The following KDM2B variants were observed in gnomAD, a reference collection of about 807,000 sequenced individuals.
KDM2B encodes the protein lysine-specific demethylase 2B.
A neutral mutation model predicts 150.0 loss-of-function variants in KDM2B; 26 were observed. The ratio of observed to expected loss-of-function variants is 0.17; its 90% CI spans 0.13 to 0.24. The LOEUF is 0.24. Among genes scored for constraint, KDM2B ranks in the 10% least tolerant of loss-of-function variants. The pLI, the probability that KDM2B is intolerant of heterozygous loss-of-function variation, is 1.00. For synonymous variants in KDM2B, 734 were observed against 729.5 expected, an observed-to-expected ratio of 1.01 and a Z score of -0.10; for missense variants, 1,265 against 1,816.9, an observed-to-expected ratio of 0.70 and a Z score of 5.52.
At chr12:121,510,191 C>A in intron 10 of KDM2B, 152 bp from the exon 11 acceptor site, 1 of 683,988 alleles carries the variant, frequency 1.5e-6, no homozygotes, top group Non-Finnish European at 2.4e-6. Context: ...CTGGAAAGGC[C>A]GTGGGGGACG....
chr12:121,574,857 C>T (rs1209950694), intron 3 of KDM2B, among the ~76,000 whole-genome samples: 1 of 152,180 alleles, frequency 6.6e-6, no homozygotes, highest in African/African-American at 2.4e-5. Flanking sequence ...ACTGTCCACC[C>T]CATTTTTCCA....
At chr12:121,574,432 C>T (rs1891348844) in intron 4 of KDM2B, 115 bp downstream of exon 4, 4 of 934,478 alleles carry the variant, frequency 4.3e-6, no homozygotes, top group Non-Finnish European at 5.1e-6. Context: ...CTGCCTTCTC[C>T]CGTGGGGACT....
At chr12:121,416,979 T>TA in the KDM2B span, among the ~76,000 whole-genome samples, 5 of 152,260 alleles carry the variant, frequency 3.3e-5, no homozygotes, top group Non-Finnish European at 7.3e-5. Flanking sequence ...GTGCCCTCTT[T>TA]AAGCTTCTCT....
intron 12 of KDM2B, among the ~76,000 whole-genome samples, chr12:121,479,372 C>T (rs1881806680): frequency 6.7e-6 from 1 of 148,606 alleles, no homozygotes; most frequent in Admixed American, 6.7e-5. Context: ...AAGGCTGAGG[C>T]AGGAGAATGG....
At chr12:121,567,404 T>C (rs1462240814) in intron 4 of KDM2B, among the ~76,000 whole-genome samples, 1 of 152,184 alleles carries the variant, frequency 6.6e-6, no homozygotes, top group Non-Finnish European at 1.5e-5. Flanking sequence ...ATATGACTGG[T>C]GTCCTTATAA....
At chr12:121,579,557 G>T in intron 1 of KDM2B, 1 of 1,288,052 alleles carries the variant, frequency 7.8e-7, no homozygotes, top group Non-Finnish European at 1.0e-6. Flanking sequence ...GGGCTTGGAA[G>T]GGGGAGAGGC....
chr12:121,443,982 C>G (rs781888927), intron 16 of KDM2B, 30 bp downstream of exon 16: 11 of 1,580,510 alleles, frequency 7.0e-6, no homozygotes, highest in Non-Finnish European at 8.6e-6. Context: ...AGACCAACCC[C>G]TTTGCCTCCC....
In KDM2B at chr12:121,430,546, A is replaced by G; in HGVS notation, c.3830-77T>C. The G allele has an allele frequency of 2.1e-6, 2 of 962,772 alleles. No homozygotes were observed. The highest frequency in any genetic ancestry group is 1.7e-5 in the Admixed American group (1 of 58,328). 59.6% of individuals were successfully genotyped at this position (962,772 alleles called of 1,614,324 possible). The stretch of plus-strand genomic sequence containing the variant: ...CCCCCGCCGCCAGACCCAGGCACTC[A>G]GCAGTGGGGACAGGTCAGAGCTCTA... On this transcript the variant is annotated intron_variant, in intron 22 of 22. Coordinates refer to ENST00000377071, the MANE Select transcript of KDM2B (RefSeq NM_032590.5). The surrounding 1 kb of genome is among the most constrained non-coding windows in gnomAD (Gnocchi z 4.4).
At chr12:121,551,901 A>G (rs142253337) in intron 4 of KDM2B, among the ~76,000 whole-genome samples, 5 of 152,274 alleles carry the variant, frequency 3.3e-5, no homozygotes, top group African/African-American at 1.2e-4. Flanking sequence ...CATTCTCCAC[A>G]AAAAGGAAAC....
chr12:121,481,174 A>T (rs1257896354), intron 12 of KDM2B, among the ~76,000 whole-genome samples: 31 of 151,594 alleles, frequency 2.0e-4, no homozygotes, highest in Non-Finnish European at 7.4e-5. Flanking sequence ...CAAATGATCC[A>T]CCCGCCTCAG....
chr12:121,476,429 C>A (rs1555296796), intron 12 of KDM2B, among the ~76,000 whole-genome samples: 1 of 151,912 alleles, frequency 6.6e-6, no homozygotes, highest in African/African-American at 2.4e-5. Context: ...GCACTCCACC[C>A]TGGGTGACCG....
the KDM2B span, among the ~76,000 whole-genome samples, chr12:121,421,371 T>TACAAAAAAAAAAAAAAA: frequency 2.2e-5 from 1 of 46,370 alleles, no homozygotes; most frequent in African/African-American, 6.8e-5. Flanking sequence ...ATCCCATCTC[T>TACAAAAAAAAAAAAAAA]AAAAAAAAAA....
In KDM2B at chr12:121,429,418, G is replaced by T. The variant is rs11065570; in HGVS notation, c.*870C>A. ...ACGTCTTGACTCACTGTATAAATTAGATCTATGTAAGTACAAGAGCTCATG... is the reference window on the plus strand; with the variant it reads ...ACGTCTTGACTCACTGTATAAATTATATCTATGTAAGTACAAGAGCTCATG... On this transcript the variant is annotated 3_prime_UTR_variant, in exon 23 of 23. Transcript: ENST00000377071. The T allele has an allele frequency of 6.5e-6, 1 of 153,340 alleles. No individual in the cohort carries two copies. Among genetic ancestry groups the T allele is most frequent in the Non-Finnish European group, 1.5e-5 (1 of 68,528 alleles). 9.5% of individuals were successfully genotyped at this position (153,340 alleles called of 1,614,324 possible).
chr12:121,491,932 G>A (rs1473438283), intron 12 of KDM2B, among the ~76,000 whole-genome samples: 2 of 152,162 alleles, frequency 1.3e-5, no homozygotes, highest in African/African-American at 4.8e-5. Context: ...GGAGACCGAG[G>A]CAGGCGGCTT....
Position 121,430,998 on chromosome 12 carries a change from C to T in KDM2B, c.3830-529G>A, listed in dbSNP as rs922281802. On this transcript the variant is annotated intron_variant, in intron 22 of 22. Coordinates refer to ENST00000377071, the MANE Select transcript of KDM2B (RefSeq NM_032590.5). The surrounding 1 kb of genome is among the most constrained non-coding windows in gnomAD (Gnocchi z 4.4). ...GGCCGCAGTGCTTTGGAGCAATTCA[C>T]AGCATGAGGGACAGCTGTTTGGCCC... Among the ~76,000 whole-genome samples, 1 of 152,198 alleles carries T rather than the reference C, an allele frequency of 6.6e-6. No individual in the cohort carries two copies. Among genetic ancestry groups the T allele is most frequent in the Non-Finnish European group, 1.5e-5 (1 of 68,040 alleles).
chr12:121,457,093 C>A (rs1003333777), intron 12 of KDM2B, among the ~76,000 whole-genome samples: 2 of 152,056 alleles, frequency 1.3e-5, no homozygotes, highest in Non-Finnish European at 2.9e-5. Context: ...GAAGACCCAA[C>A]CAGGAAACGT....
chr12:121,444,923 T>C lies in KDM2B; in HGVS notation c.2103+352A>G, dbSNP rs1341075079. 8 of 401,948 alleles carry C rather than the reference T, an allele frequency of 2.0e-5. No homozygotes were observed. The Admixed American group carries it at 2.7e-4, about 14-fold the overall frequency. 24.9% of individuals were successfully genotyped at this position (401,948 alleles called of 1,614,324 possible). On this transcript the variant is annotated intron_variant, in intron 14 of 22. Coordinates refer to ENST00000377071, the MANE Select transcript of KDM2B (RefSeq NM_032590.5). The stretch of plus-strand genomic sequence containing the variant: ...CTCTACTGGGTGCTGGGGGAAGGAG[T>C]GTGGTGTGGGGCCTTGTTCTCCCAG...
chr12:121,537,457 C>T lies in KDM2B; in HGVS notation c.684-2867G>A, dbSNP rs1888229924. The T allele has an allele frequency of 3.3e-5, 5 of 152,404 alleles. No individual in the cohort carries two copies. In the South Asian group the frequency reaches 1.0e-3, roughly 31 times the overall value. The allele number at this position is 152,404 out of a possible 1,614,324, so 9.4% of individuals were successfully genotyped here. On this transcript the variant is annotated intron_variant, in intron 6 of 22. Coordinates refer to ENST00000377071, the MANE Select transcript of KDM2B (RefSeq NM_032590.5). The surrounding 1 kb of genome is among the most constrained non-coding windows in gnomAD (Gnocchi z 8.7). ...CCCCGGCCGCCCCCAGCTCAGGTGG[C>T]TTCTGTGCAGCAAGGCACCCTCCAA...
rs1459717134 is a variant in KDM2B at position 121,527,106 on chromosome 12, G to A, written c.931+5700C>T. 2.0e-5 allele frequency among the ~76,000 whole-genome samples: 3 copies of A among 151,612 alleles called. No individual in the cohort carries two copies. The South Asian group carries it at 6.2e-4, about 32-fold the overall frequency. ...TCTGTCGCCCAGGCTGGAGTGCAGT[G>A]ACGTGATCTCTGCTCACTGCAAGCT... is the stretch of plus-strand genomic sequence containing the variant. On this transcript the variant is annotated intron_variant, in intron 8 of 22. Transcript: ENST00000377071.
Sources: allele counts gnomAD v4.1 joint callset (sites outside exome capture counted in the v4.1 genomes callset), GRCh38; gene constraint gnomAD v4.1.1; non-coding constraint Gnocchi (gnomAD v3.1); transcripts MANE v1.5; gene names NCBI Gene and HGNC (gene_info 2026-07-23, HGNC 2026-07-21).